CTIF: variants seen among roughly 807,000 people sequenced by gnomAD.
The protein encoded by CTIF is cap binding complex dependent translation initiation factor, also known as CBP80/20-dependent translation initiation factor.
In CTIF, 21 loss-of-function variants were observed where a neutral mutation model predicts 66.0. The ratio of observed to expected loss-of-function variants is 0.32; its 90% CI spans 0.23 to 0.46. The LOEUF (loss-of-function observed/expected upper bound fraction) is 0.46. Ranked by LOEUF, CTIF falls within the 20% of genes least tolerant of loss-of-function variation. The pLI, the probability that CTIF is intolerant of heterozygous loss-of-function variation, is 1.00. For synonymous variants in CTIF, 345 were observed against 326.4 expected, an observed-to-expected ratio of 1.06 and a Z score of -0.62; for missense variants, 739 against 812.7, an observed-to-expected ratio of 0.91 and a Z score of 1.10.
chr18:48,672,725 G>A (rs2091556207), intron 6 of CTIF, among the ~76,000 whole-genome samples: 2 of 152,200 alleles, frequency 1.3e-5, no homozygotes, highest in African/African-American at 4.8e-5. Flanking sequence ...CACCCCAGAA[G>A]AAGAGGGGCA....
chr18:48,715,196 G>A (rs1490408885), intron 7 of CTIF, among the ~76,000 whole-genome samples: 1 of 152,116 alleles, frequency 6.6e-6, no homozygotes, highest in African/African-American at 2.4e-5. Context: ...TGCAGACTCT[G>A]CTCCTGATGC....
intron 1 of CTIF, among the ~76,000 whole-genome samples, chr18:48,610,355 C>A (rs1315851102): frequency 7.1e-6 from 1 of 141,056 alleles, no homozygotes; most frequent in African/African-American, 2.5e-5. Flanking sequence ...AGGGATAAAG[C>A]AGGACCTGCA....
At chr18:48,628,013 G>C (rs74398243) in intron 2 of CTIF, among the ~76,000 whole-genome samples, 2,036 of 152,294 alleles carry the variant, frequency 0.013, 42 homozygotes, top group African/African-American at 0.047. Context: ...CTGCAGGGGA[G>C]AGGCAATGGA....
Position 48,702,204 on chromosome 18 carries a change from C to A in CTIF, c.508-9415C>A, listed in dbSNP as rs182300171. Among the ~76,000 whole-genome samples the A allele has an allele frequency of 2.6e-5, 4 of 152,236 alleles. No homozygotes were observed. The East Asian group carries it at 7.7e-4, about 29-fold the overall frequency. On this transcript the variant is annotated intron_variant, in intron 6 of 11. Coordinates refer to ENST00000256413, the MANE Select transcript of CTIF (RefSeq NM_014772.3). Reference sequence around the variant, plus strand: ...CTCTTTAGACTGTTACAATAAGAAACCCTGTTGGAAGGAAAAGGGAGAGAG... The same window carrying A: ...CTCTTTAGACTGTTACAATAAGAAAACCTGTTGGAAGGAAAAGGGAGAGAG...
At chr18:48,742,172 T>G (rs2092560220) in intron 7 of CTIF, among the ~76,000 whole-genome samples, 1 of 152,112 alleles carries the variant, frequency 6.6e-6, no homozygotes, top group Non-Finnish European at 1.5e-5. Context: ...TGGGCCAGGG[T>G]GACCAGGACC....
Position 48,663,790 on chromosome 18 carries a change from G to C in CTIF, c.291G>C (p.Thr97=). The C allele has an allele frequency of 6.2e-7, 1 of 1,614,132 alleles. No individual in the cohort carries two copies. The highest frequency in any genetic ancestry group is 8.5e-7 in the Non-Finnish European group (1 of 1,179,996). ...SKDNSLDMLG[T]DIWAANTFDS... is the part of the protein sequence containing the mutation. ...ACAACTCTCTGGACATGCTGGGCAC[G>C]GACATCTGGGCGGCCAACACCTTCG... Residue 97 remains threonine, a synonymous_variant, in exon 4 of 12, where the codon ACG becomes ACC. Transcript: ENST00000256413.
At chr18:48,608,965 A>G (rs911426914) in intron 1 of CTIF, among the ~76,000 whole-genome samples, 1 of 152,204 alleles carries the variant, frequency 6.6e-6, no homozygotes, top group Non-Finnish European at 1.5e-5. Context: ...GCTTGTGGAC[A>G]CATTGCTGGG....
chr18:48,691,171 C>T (rs2091919895), intron 6 of CTIF, among the ~76,000 whole-genome samples: 1 of 152,196 alleles, frequency 6.6e-6, no homozygotes, highest in Non-Finnish European at 1.5e-5. Context: ...TCCACTCTGC[C>T]GGCATTGTTT....
intron 1 of CTIF, among the ~76,000 whole-genome samples, chr18:48,568,596 T>C (rs1281793909): frequency 7.9e-6 from 1 of 126,184 alleles, no homozygotes; most frequent in Non-Finnish European, 1.6e-5. Flanking sequence ...TCCATTTTTA[T>C]ATCACTATGA....
At chr18:48,670,516 G>T in intron 5 of CTIF, 153 bp from the exon 6 acceptor site, 1 of 650,644 alleles carries the variant, frequency 1.5e-6, no homozygotes, top group Admixed American at 2.4e-5. Context: ...AGCTTCTCTA[G>T]GGCTGTTTCC....
intron 1 of CTIF, among the ~76,000 whole-genome samples, chr18:48,558,675 T>C (rs1238117781): frequency 6.6e-6 from 1 of 152,228 alleles, no homozygotes; most frequent in African/African-American, 2.4e-5. Context: ...TGCATCTGTT[T>C]TGCAAATTTA....
intron 1 of CTIF, among the ~76,000 whole-genome samples, chr18:48,579,592 C>CCA (rs1239947442): frequency 6.6e-6 from 1 of 152,062 alleles, no homozygotes; most frequent in Non-Finnish European, 1.5e-5. Context: ...CCCCCCAAGC[C>CCA]CACACACACA....
At chr18:48,644,606 G>C (rs929858364) in intron 3 of CTIF, among the ~76,000 whole-genome samples, 1 of 152,198 alleles carries the variant, frequency 6.6e-6, no homozygotes, top group Non-Finnish European at 1.5e-5. Context: ...CTGACAACTA[G>C]CTCCTATAGG....
At chr18:48,603,211 T>C (rs1003020192) in intron 1 of CTIF, among the ~76,000 whole-genome samples, 4 of 145,882 alleles carry the variant, frequency 2.7e-5, no homozygotes, top group East Asian at 2.1e-4. Context: ...GATGGACAGA[T>C]GGATGAATGG....
In CTIF at chr18:48,713,584, C is replaced by T. The variant is rs533161554; in HGVS notation, c.584+1889C>T. ...CAGCACACCTCCCAAAGGATGTGGA[C>T]GGGCCAGGGTCCAAAGTGAGGCAAT... is the stretch of plus-strand genomic sequence containing the variant. On this transcript the variant is annotated intron_variant, in intron 7 of 11. Transcript: ENST00000256413. Among the ~76,000 whole-genome samples, 44 of 152,066 alleles carry T rather than the reference C, an allele frequency of 2.9e-4. 1 individual carries two copies. The highest frequency in any genetic ancestry group is 4.6e-4 in the African/African-American group (19 of 41,496).
chr18:48,647,965 G>A (rs928996273), intron 3 of CTIF, among the ~76,000 whole-genome samples: 1 of 152,170 alleles, frequency 6.6e-6, no homozygotes, highest in African/African-American at 2.4e-5. Flanking sequence ...TGTTGGAATG[G>A]GGGGTGTTGA....
intron 10 of CTIF, among the ~76,000 whole-genome samples, chr18:48,856,957 G>A (rs1406558390): frequency 1.3e-5 from 2 of 152,248 alleles, no homozygotes; most frequent in Admixed American, 6.5e-5. Flanking sequence ...GAATGAGCCA[G>A]GCAAGTCGGG....
chr18:48,667,413 C>T (rs2144955686), intron 5 of CTIF, among the ~76,000 whole-genome samples: 1 of 152,294 alleles, frequency 6.6e-6, no homozygotes, highest in East Asian at 1.9e-4. Flanking sequence ...CTTCCCTGGG[C>T]AGCTCCAGTC....
chr18:48,670,772 G>T (rs2091520406), intron 6 of CTIF, 28 bp downstream of exon 6: 2 of 1,589,212 alleles, frequency 1.3e-6, no homozygotes, highest in Non-Finnish European at 1.7e-6. Flanking sequence ...CTCTCTAACA[G>T]CCCACCCCCA....
Sources: allele counts gnomAD v4.1 joint callset (sites outside exome capture counted in the v4.1 genomes callset), GRCh38; gene constraint gnomAD v4.1.1; transcripts MANE v1.5; gene names NCBI Gene and HGNC (gene_info 2026-07-23, HGNC 2026-07-21).